RGS6: variants seen among roughly 807,000 people sequenced by gnomAD.
RGS6 encodes regulator of G protein signaling 6.
RGS6 carries 30 observed loss-of-function variants against 78.5 expected under a neutral mutation model. That is an observed-to-expected ratio of 0.38 (90% CI 0.29 to 0.52). The LOEUF is 0.52. Among genes scored for constraint, RGS6 ranks in the 20% least tolerant of loss-of-function variants. The pLI is 0.85. For synonymous variants in RGS6, 206 were observed against 206.0 expected (o/e 1.00, Z 0.00); for missense variants, 495 against 609.7 (o/e 0.81, Z 1.98).
intron 14 of RGS6, among the ~76,000 whole-genome samples, chr14:72,513,469 C>A (rs963971479): frequency 3.9e-5 from 6 of 152,098 alleles, no homozygotes; most frequent in African/African-American, 1.4e-4. Flanking sequence ...GCAGGGTCTA[C>A]CTCTTTTTCT....
intron 2 of RGS6, among the ~76,000 whole-genome samples, chr14:72,199,331 G>A (rs552114883): frequency 1.3e-5 from 2 of 152,310 alleles, no homozygotes; most frequent in African/African-American, 4.8e-5. Flanking sequence ...TTACACTTAT[G>A]TTGGTGTCAG....
intron 2 of RGS6, among the ~76,000 whole-genome samples, chr14:72,292,238 T>C (rs1347678232): frequency 1.3e-5 from 2 of 152,190 alleles, no homozygotes; most frequent in Non-Finnish European, 2.9e-5. Context: ...CACCCCTGTA[T>C]GGTCAACTCC....
At chr14:72,371,810 T>G (rs1186996764) in intron 3 of RGS6, among the ~76,000 whole-genome samples, 1 of 152,162 alleles carries the variant, frequency 6.6e-6, no homozygotes, top group African/African-American at 2.4e-5. Context: ...AGATAAAATT[T>G]GAGAAGAGAA....
intron 17 of RGS6, among the ~76,000 whole-genome samples, chr14:72,556,845 T>TTCA (rs142662493): frequency 0.029 from 4,464 of 152,384 alleles, 115 homozygotes; most frequent in Non-Finnish European, 0.049. Flanking sequence ...TAATTCACTT[T>TTCA]TCATCTATCC....
the RGS6 span, among the ~76,000 whole-genome samples, chr14:72,595,720 C>T: frequency 0.42 from 64,323 of 152,036 alleles, 14,682 homozygotes; most frequent in East Asian, 0.76. Flanking sequence ...AATTGATGGC[C>T]TCTGCCTTCT....
chr14:72,588,230 C>T, the RGS6 span, among the ~76,000 whole-genome samples: 7 of 152,116 alleles, frequency 4.6e-5, no homozygotes, highest in African/African-American at 1.7e-4. Flanking sequence ...TTTGTGAGCT[C>T]ACCTGTGGGA....
chr14:72,030,409 A>G (rs913310230), intron 2 of RGS6, among the ~76,000 whole-genome samples: 19 of 152,170 alleles, frequency 1.2e-4, no homozygotes, highest in Admixed American at 1.0e-3. Context: ...GGATAGAAAA[A>G]TATTATGCAA....
chr14:72,259,073 G>T (rs1360308257), intron 2 of RGS6, among the ~76,000 whole-genome samples: 2 of 152,134 alleles, frequency 1.3e-5, no homozygotes, highest in Non-Finnish European at 2.9e-5. Context: ...TGCAAAAGAG[G>T]ACATTGCATG....
the RGS6 span, among the ~76,000 whole-genome samples, chr14:72,618,041 C>T: frequency 6.9e-6 from 1 of 145,816 alleles, no homozygotes; most frequent in Admixed American, 6.9e-5. Flanking sequence ...GCCTCCCCAC[C>T]TCTTTCTTCT....
chr14:71,972,628 T>TG (rs2093880145), intron 2 of RGS6, among the ~76,000 whole-genome samples: 1 of 152,026 alleles, frequency 6.6e-6, no homozygotes, highest in South Asian at 2.1e-4. Flanking sequence ...TGGAGGTCAA[T>TG]GGGTGATCGA....
intron 2 of RGS6, among the ~76,000 whole-genome samples, chr14:72,017,881 C>T (rs1249871316): frequency 4.6e-5 from 7 of 152,074 alleles, no homozygotes; most frequent in Non-Finnish European, 1.0e-4. Context: ...ATCATCCTAT[C>T]GCCTAGGTAT....
the RGS6 span, among the ~76,000 whole-genome samples, chr14:71,898,174 T>C: frequency 6.6e-6 from 1 of 152,276 alleles, no homozygotes; most frequent in African/African-American, 2.4e-5. Context: ...AAGCATACAA[T>C]ATATTGTTAT....
At chr14:72,591,938 C>A in the RGS6 span, among the ~76,000 whole-genome samples, 1 of 152,198 alleles carries the variant, frequency 6.6e-6, no homozygotes, top group Non-Finnish European at 1.5e-5. Context: ...GCCACTACCC[C>A]TTCCGTCATG....
chr14:72,352,434 GAATA>G (rs2079284015), intron 3 of RGS6, among the ~76,000 whole-genome samples: 1 of 152,128 alleles, frequency 6.6e-6, no homozygotes, highest in Non-Finnish European at 1.5e-5. Context: ...AGGCTGCTGG[GAATA>G]AATAAACCCA....
chr14:72,287,821 G>C (rs910180324), intron 2 of RGS6, among the ~76,000 whole-genome samples: 1 of 152,194 alleles, frequency 6.6e-6, no homozygotes, highest in African/African-American at 2.4e-5. Context: ...ATCTTGGAAG[G>C]TCAGATGCTT....
chr14:72,134,244 A>G (rs941355518), intron 2 of RGS6, among the ~76,000 whole-genome samples: 4 of 152,184 alleles, frequency 2.6e-5, no homozygotes, highest in Non-Finnish European at 5.9e-5. Context: ...CATCTCTGGA[A>G]GAAGAGGTAT....
the RGS6 span, among the ~76,000 whole-genome samples, chr14:72,576,772 C>G: frequency 6.6e-6 from 1 of 152,296 alleles, no homozygotes; most frequent in Admixed American, 6.5e-5. Context: ...TCTCTCAGTG[C>G]TTCTAACCTG....
intron 2 of RGS6, among the ~76,000 whole-genome samples, chr14:72,040,288 C>G (rs780662417): frequency 3.9e-5 from 6 of 152,046 alleles, no homozygotes; most frequent in Non-Finnish European, 8.8e-5. Context: ...GAAGGACTTC[C>G]ATTAGCATTT....
chr14:72,074,899 G>A (rs2094524130), intron 2 of RGS6, among the ~76,000 whole-genome samples: 1 of 152,164 alleles, frequency 6.6e-6, no homozygotes, highest in African/African-American at 2.4e-5. Flanking sequence ...GTCTTCAGCT[G>A]TCAATATCCC....
Sources: allele counts gnomAD v4.1 joint callset (sites outside exome capture counted in the v4.1 genomes callset), GRCh38; gene constraint gnomAD v4.1.1; transcripts MANE v1.5; gene names NCBI Gene and HGNC (gene_info 2026-07-23, HGNC 2026-07-21).